The following BTBD6 variants were observed in gnomAD, a reference collection of about 807,000 sequenced individuals.
BTBD6 encodes the protein BTB domain containing 6, also known as BTB/POZ domain-containing protein 6.
Under a neutral mutation model 40.6 loss-of-function variants are expected in BTBD6, and 30 were observed. The observed-to-expected ratio is 0.74, with a 90% CI of 0.55 to 1.00. BTBD6 has a LOEUF of 1.00. BTBD6 is among the 50% of genes least tolerant of loss of function. The pLI is 0.00. For missense variants in BTBD6, 698 were observed against 694.6 expected, an observed-to-expected ratio of 1.00 and a Z score of -0.06; for synonymous variants, 378 against 308.7, an observed-to-expected ratio of 1.22 and a Z score of -2.35.
chr14:105,249,328 G>A (rs1271633536), intron 2 of BTBD6, 32 bp from the exon 3 acceptor site: 2 of 1,600,088 alleles, frequency 1.2e-6, no homozygotes, highest in Non-Finnish European at 8.5e-7. Flanking sequence ...CTGCGGGAGA[G>A]CCAGGCTCAC....
At chr14:105,249,501 G>T in intron 3 of BTBD6, 23 bp downstream of exon 3, 1 of 1,594,406 alleles carries the variant, frequency 6.3e-7, no homozygotes, top group South Asian at 1.1e-5. Flanking sequence ...TACTGGGGAG[G>T]GACGGGTGGG....
chr14:105,248,876 G>A lies in BTBD6; in HGVS notation c.165G>A (p.Ala55=). ...CCGCCGCCCCGCCCGCGAAGATGGC[G>A]GCGGAACTCTACGCTCCCGCCAGCG... The part of the protein sequence containing the change: ...AAPAAPPAKM[A]AELYAPASAA... The change falls in exon 1 of 4, where the codon GCG becomes GCA. Residue 55 remains alanine, a synonymous_variant. Coordinates refer to ENST00000392554, the MANE Select transcript of BTBD6 (RefSeq NM_001387567.1). 1 of 989,062 alleles carries A rather than the reference G, an allele frequency of 1.0e-6. No individual in the cohort carries two copies. Among genetic ancestry groups the A allele is most frequent in the Non-Finnish European group, 1.2e-6 (1 of 833,860 alleles). The allele number at this position is 989,062 out of a possible 1,614,324, so 61.3% of individuals were successfully genotyped here.
intron 2 of BTBD6, 21 bp from the exon 3 acceptor site, chr14:105,249,339 G>A (rs368190078): frequency 5.0e-6 from 8 of 1,604,526 alleles, no homozygotes; most frequent in African/African-American, 4.0e-5. Flanking sequence ...CCAGGCTCAC[G>A]GCGGCGCTTT....
At chr14:105,249,282 C>T (rs765618150) in intron 2 of BTBD6, 35 bp downstream of exon 2, 15 of 1,556,500 alleles carry the variant, frequency 9.6e-6, no homozygotes, top group Non-Finnish European at 1.1e-5. Flanking sequence ...AACGCGTGCC[C>T]CGTCCGCCCC....
At chr14:105,249,274 C>T in intron 2 of BTBD6, 27 bp downstream of exon 2, 6 of 1,563,276 alleles carry the variant, frequency 3.8e-6, no homozygotes, top group African/African-American at 1.3e-5. Context: ...CCTCTCGGAA[C>T]GCGTGCCCCG....
Position 105,248,554 on chromosome 14 carries a change from G to C in BTBD6, c.-158G>C. 1 of 845,970 alleles carries C rather than the reference G, an allele frequency of 1.2e-6. No homozygotes were observed. Among genetic ancestry groups the C allele is most frequent in the Non-Finnish European group, 1.4e-6 (1 of 716,158 alleles). The allele number at this position is 845,970 out of a possible 1,614,324, so 52.4% of individuals were successfully genotyped here. A position where few individuals can be genotyped will look rare whatever the true frequency, so the allele number is the denominator to read the frequency against. On this transcript the variant is annotated 5_prime_UTR_variant, in exon 1 of 4. Transcript: ENST00000392554. ...TGACGCAGCGTGACGCACCGGCGCCGCGGCGGGTACGGGCTCGGGCGGGCG... is the reference window on the plus strand; with the variant it reads ...TGACGCAGCGTGACGCACCGGCGCCCCGGCGGGTACGGGCTCGGGCGGGCG...
At position 105,249,051 on chromosome 14, in the gene BTBD6, G is replaced by A. The variant is rs2055383027; in HGVS notation, c.340G>A (p.Gly114Ser). The change falls in exon 1 of 4, where the codon GGC becomes AGC. Residue 114 changes from glycine to serine, a missense_variant. Gly to Ser is a moderately conservative substitution (Grantham distance 56, BLOSUM62 0). Transcript: ENST00000392554. Reference sequence around the variant, plus strand: ...CGGCAACAACCACCAGGAGAGCCCCGGCTGGCGGTGCTGCCGCCCCACGCT... The same window carrying A: ...CGGCAACAACCACCAGGAGAGCCCCAGCTGGCGGTGCTGCCGCCCCACGCT... ...TLGNNHQESPGWRCCRPTLRE... is the reference protein window; with the variant it reads ...TLGNNHQESPSWRCCRPTLRE... 3.9e-6 allele frequency: 5 copies of A among 1,288,702 alleles called. No homozygotes were observed. The highest frequency in any genetic ancestry group is 4.9e-6 in the Non-Finnish European group (5 of 1,027,128). 79.8% of individuals were successfully genotyped at this position (1,288,702 alleles called of 1,614,324 possible). A position where few individuals can be genotyped will look rare whatever the true frequency, so the allele number is the denominator to read the frequency against.
At position 105,249,265 on chromosome 14, in the gene BTBD6, C is replaced by T. The variant is rs2055413212; in HGVS notation, c.465+18C>T. On this transcript the variant is annotated intron_variant, in intron 2 of 3. Coordinates refer to ENST00000392554, the MANE Select transcript of BTBD6 (RefSeq NM_001387567.1). ...CCCACAAGGTGGGTAGCGGCGGCCC[C>T]TCTCGGAACGCGTGCCCCGTCCGCC... 1.3e-6 allele frequency: 2 copies of T among 1,564,114 alleles called. No individual in the cohort carries two copies. Among genetic ancestry groups the T allele is most frequent in the Admixed American group, 1.9e-5 (1 of 53,926 alleles).
chr14:105,249,256 C>G lies in BTBD6; in HGVS notation c.465+9C>G. The G allele has an allele frequency of 6.4e-7, 1 of 1,566,802 alleles. No homozygotes were observed. Among genetic ancestry groups the G allele is most frequent in the Non-Finnish European group, 8.6e-7 (1 of 1,160,696 alleles). On this transcript the variant is annotated intron_variant, in intron 2 of 3. Transcript: ENST00000392554. ...CGGTGCCCGCCCACAAGGTGGGTAG[C>G]GGCGGCCCCTCTCGGAACGCGTGCC...
rs1187371762 is a variant in BTBD6 at position 105,250,724 on chromosome 14, G to T, written c.*52G>T. On this transcript the variant is annotated 3_prime_UTR_variant, in exon 4 of 4. Coordinates refer to ENST00000392554, the MANE Select transcript of BTBD6 (RefSeq NM_001387567.1). ...AGCGAGTGAGTGGAGGGGAAGTCAA[G>T]ATGCTAACTGCTTCTTGACACCATG... 6.5e-7 allele frequency: 1 copy of T among 1,530,256 alleles called. No individual in the cohort carries two copies. The highest frequency in any genetic ancestry group is 1.4e-5 in the African/African-American group (1 of 72,818). 94.8% of individuals were successfully genotyped at this position (1,530,256 alleles called of 1,614,324 possible).
rs587676941 is a variant in BTBD6, at chr14:105,248,900, C to G, written c.189C>G (p.Ser63Arg). The G allele has an allele frequency of 1.9e-3, 1,837 of 987,798 alleles. 21 individuals are homozygous for G. In the African/African-American group the frequency reaches 0.029, roughly 16 times the overall value. 61.2% of individuals were successfully genotyped at this position (987,798 alleles called of 1,614,324 possible). Residue 63 changes from serine (S) to arginine (R), a missense_variant, in exon 1 of 4, where the codon AGC becomes AGG. Physicochemically the swap from Ser to Arg is moderately radical, Grantham distance 110. Coordinates refer to ENST00000392554, the MANE Select transcript of BTBD6 (RefSeq NM_001387567.1). The stretch of plus-strand genomic sequence containing the variant: ...CGGCGGAACTCTACGCTCCCGCCAG[C>G]GCCGCGGCCGCGGACCTAGCCAACA... The part of the protein sequence containing the change: ...KMAAELYAPA[S>R]AAAADLANSN...
At position 105,249,092 on chromosome 14, in the gene BTBD6, C is replaced by T; in HGVS notation, c.374+7C>T. 1 of 1,481,482 alleles carries T rather than the reference C, an allele frequency of 6.7e-7. No homozygotes were observed. Among genetic ancestry groups the T allele is most frequent in the Non-Finnish European group, 8.9e-7 (1 of 1,124,070 alleles). The allele number at this position is 1,481,482 out of a possible 1,614,324, so 91.8% of individuals were successfully genotyped here. On this transcript the variant is annotated splice_region_variant and intron_variant, in intron 1 of 3. Transcript: ENST00000392554. The stretch of plus-strand genomic sequence containing the variant: ...GCCCCACGCTGCGCGAGAGGTGAGC[C>T]CGTGCCCCGCGGCCCCCGCGCCCGC...
chr14:105,249,283 C>G, intron 2 of BTBD6, 36 bp downstream of exon 2: 1 of 1,558,056 alleles, frequency 6.4e-7, no homozygotes, highest in South Asian at 1.2e-5. Context: ...ACGCGTGCCC[C>G]GTCCGCCCCG....
In BTBD6 at chr14:105,250,392, G is replaced by T; in HGVS notation, c.1337G>T (p.Arg446Leu). 1.9e-6 allele frequency: 3 copies of T among 1,613,818 alleles called. No individual in the cohort carries two copies. The highest frequency in any genetic ancestry group is 2.5e-6 in the Non-Finnish European group (3 of 1,180,036). Reference sequence around the variant, plus strand: ...TACAGCGTGAAGATTGAGCTCAAGCGGCTCGGGGTGGTTCTGGCTCAGAAC... The same window carrying T: ...TACAGCGTGAAGATTGAGCTCAAGCTGCTCGGGGTGGTTCTGGCTCAGAAC... ...AEYSVKIELK[R>L]LGVVLAQNLT... Residue 446 changes from arginine (R) to leucine (L), a missense_variant, in exon 4 of 4, where the codon CGG becomes CTG. By Grantham distance (102) the Arg-to-Leu change is moderately radical. Coordinates refer to ENST00000392554, the MANE Select transcript of BTBD6 (RefSeq NM_001387567.1).
At position 105,248,632 on chromosome 14, in the gene BTBD6, T is replaced by C. The variant is rs1001319076; in HGVS notation, c.-80T>C. 86 of 976,598 alleles carry C rather than the reference T, an allele frequency of 8.8e-5. No individual in the cohort carries two copies. The highest frequency in any genetic ancestry group is 1.2e-4 in the East Asian group (1 of 8,618). 60.5% of individuals were successfully genotyped at this position (976,598 alleles called of 1,614,324 possible). A position where few individuals can be genotyped will look rare whatever the true frequency, so the allele number is the denominator to read the frequency against. The stretch of plus-strand genomic sequence containing the variant: ...CGGGCCTGGCCGGGCTGCGCTAGGC[T>C]GGGCTCGGGCAGGGTCGCAGGGGCG... On this transcript the variant is annotated 5_prime_UTR_variant, in exon 1 of 4. Coordinates refer to ENST00000392554, the MANE Select transcript of BTBD6 (RefSeq NM_001387567.1).
intron 3 of BTBD6, 51 bp downstream of exon 3, chr14:105,249,529 C>G: frequency 6.2e-7 from 1 of 1,603,928 alleles, no homozygotes; most frequent in Non-Finnish European, 8.5e-7. Flanking sequence ...TAGGCGGCCT[C>G]CGGAGGCTTC....
rs1311905456 is a variant in BTBD6, at chr14:105,249,785, C to T, written c.730C>T (p.Leu244=). The change falls in exon 4 of 4, where the codon CTG becomes TTG. Residue 244 remains leucine (L), a synonymous_variant. Coordinates refer to ENST00000392554, the MANE Select transcript of BTBD6 (RefSeq NM_001387567.1). The part of the protein sequence containing the change: ...TSLEAKNACV[L]LSQSRLFEEP... The stretch of plus-strand genomic sequence containing the variant: ...TTTGGAAGCCAAGAACGCCTGCGTC[C>T]TGCTGTCCCAGAGCCGGCTGTTTGA... 22 of 1,613,760 alleles carry T rather than the reference C, an allele frequency of 1.4e-5. No individual in the cohort carries two copies. Among genetic ancestry groups the T allele is most frequent in the Admixed American group, 1.7e-5 (1 of 60,010 alleles).
chr14:105,250,773 C>T lies in BTBD6; in HGVS notation c.*101C>T, dbSNP rs1323031388. 1.6e-6 allele frequency: 2 copies of T among 1,242,196 alleles called. No homozygotes were observed. Among genetic ancestry groups the T allele is most frequent in the Admixed American group, 2.5e-5 (1 of 39,600 alleles). The allele number at this position is 1,242,196 out of a possible 1,614,324, so 76.9% of individuals were successfully genotyped here. On this transcript the variant is annotated 3_prime_UTR_variant, in exon 4 of 4. Transcript: ENST00000392554. ...TGAAAGGCTGCTCTTAACTTTGTCTCTCTTTGACATGTAGTCAGCTGAAGC... is the reference window on the plus strand; with the variant it reads ...TGAAAGGCTGCTCTTAACTTTGTCTTTCTTTGACATGTAGTCAGCTGAAGC...
Position 105,250,789 on chromosome 14 carries a change from C to T in BTBD6, c.*117C>T. The T allele has an allele frequency of 1.8e-6, 2 of 1,106,214 alleles. No individual in the cohort carries two copies. The highest frequency in any genetic ancestry group is 2.6e-6 in the Non-Finnish European group (2 of 778,936). The allele number at this position is 1,106,214 out of a possible 1,614,324, so 68.5% of individuals were successfully genotyped here. A position where few individuals can be genotyped will look rare whatever the true frequency, so the allele number is the denominator to read the frequency against. On this transcript the variant is annotated 3_prime_UTR_variant, in exon 4 of 4. Transcript: ENST00000392554. The stretch of plus-strand genomic sequence containing the variant: ...ACTTTGTCTCTCTTTGACATGTAGT[C>T]AGCTGAAGCTTGACTGTGTAGAGAC...
Sources: gnomAD v4.1 joint callset for allele counts on GRCh38, gnomAD v4.1.1 for gene constraint, MANE v1.5 for transcripts, NCBI Gene and HGNC (gene_info 2026-07-23, HGNC 2026-07-21) for gene names.